Variants in AGBL3 observed in about 807,000 individuals in gnomAD.
AGBL3 encodes the protein AGBL carboxypeptidase 3.
A neutral mutation model predicts 94.5 loss-of-function variants in AGBL3; 68 were observed. The observed-to-expected ratio is 0.72, with a 90% confidence interval of 0.59 to 0.88. The LOEUF (loss-of-function observed/expected upper bound fraction) is 0.88. AGBL3 is among the 40% of genes least tolerant of loss of function. The pLI is 0.00. For synonymous variants in AGBL3, 354 were observed against 370.7 expected (o/e 0.95, Z 0.52); for missense variants, 934 against 1,103.8 (o/e 0.85, Z 2.18).
At chr7:135,079,505 G>A (rs549429582) in intron 13 of AGBL3, among the ~76,000 whole-genome samples, 4 of 151,942 alleles carry the variant, frequency 2.6e-5, no homozygotes, top group Non-Finnish European at 2.9e-5. Context: ...TAGCTCTGTC[G>A]CCCAGGCTGG....
At chr7:135,107,267 G>A (rs141435485) in intron 15 of AGBL3, among the ~76,000 whole-genome samples, 62 of 152,100 alleles carry the variant, frequency 4.1e-4, no homozygotes, top group African/African-American at 1.4e-3. Flanking sequence ...TTTGAAGGAG[G>A]TTTGCTCCTG....
At chr7:134,995,577 A>G (rs1186518849) in intron 4 of AGBL3, 1 of 152,160 alleles carries the variant, frequency 6.6e-6, no homozygotes, top group Non-Finnish European at 1.5e-5. Context: ...TTCTAAATAT[A>G]GTTTCTAACC....
rs1440326531 is a variant in AGBL3 at position 135,045,523 on chromosome 7, A to C, written c.1677A>C (p.Gly559=). 3 of 1,551,082 alleles carry C rather than the reference A, an allele frequency of 1.9e-6. No homozygotes were observed. Among genetic ancestry groups the C allele is most frequent in the African/African-American group, 2.7e-5 (2 of 73,012 alleles). The part of the protein sequence containing the change: ...HFSTKDLESM[G]YHFCDSLLDY... ...GCACGAAAGACCTGGAATCAATGGG[A>C]TATCATTTTTGTGATTCTCTCTTGG... The change falls in exon 10 of 17, where the codon GGA becomes GGC. Residue 559 remains glycine, a synonymous_variant. Coordinates refer to ENST00000436302, the MANE Select transcript of AGBL3 (RefSeq NM_178563.4).
Position 135,083,992 on chromosome 7 carries a change from T to C in AGBL3, c.2110+2202T>C, listed in dbSNP as rs560819968. Among the ~76,000 whole-genome samples the C allele has an allele frequency of 1.6e-3, 246 of 152,236 alleles. 1 individual carries two copies. The highest frequency in any genetic ancestry group is 5.6e-3 in the African/African-American group (232 of 41,542). ...CTATGGGGGCCACAGTGAAAATCGG[T>C]TGGAGGCCAAGCAGTTGGGGCCCAG... On this transcript the variant is annotated intron_variant, in intron 15 of 16. Coordinates refer to ENST00000436302, the MANE Select transcript of AGBL3 (RefSeq NM_178563.4).
rs547978063 is a variant in AGBL3, at chr7:135,110,959, T to C, written c.2111-4421T>C. On this transcript the variant is annotated intron_variant, in intron 15 of 16. Transcript: ENST00000436302. ...CATTACCAAATGGCATTATACATTCTTGTTTGCATAATTTATATATACATA... is the reference window on the plus strand; with the variant it reads ...CATTACCAAATGGCATTATACATTCCTGTTTGCATAATTTATATATACATA... Among the ~76,000 whole-genome samples the C allele has an allele frequency of 3.9e-5, 6 of 152,348 alleles. No individual in the cohort carries two copies. In the East Asian group the frequency reaches 1.2e-3, roughly 29 times the overall value.
Position 135,063,258 on chromosome 7 carries a change from G to C in AGBL3, c.1908+4023G>C, listed in dbSNP as rs140086248. 1.0e-2 allele frequency among the ~76,000 whole-genome samples: 1,514 copies of C among 151,648 alleles called. 25 individuals carry two copies. Among genetic ancestry groups the C allele is most frequent in the African/African-American group, 0.035 (1,442 of 41,348 alleles). On this transcript the variant is annotated intron_variant, in intron 12 of 16. Coordinates refer to ENST00000436302, the MANE Select transcript of AGBL3 (RefSeq NM_178563.4). Reference sequence around the variant, plus strand: ...CTTCTCTCTCTCTCTTCTTAGTCTAGCTATAGATTTGTCCATTTTGTTTCT... The same window carrying C: ...CTTCTCTCTCTCTCTTCTTAGTCTACCTATAGATTTGTCCATTTTGTTTCT...
chr7:135,034,666 C>T lies in AGBL3; in HGVS notation c.1075C>T (p.Leu359=). The T allele has an allele frequency of 6.4e-7, 1 of 1,551,590 alleles. No individual in the cohort carries two copies. Among genetic ancestry groups the T allele is most frequent in the Non-Finnish European group, 8.7e-7 (1 of 1,146,940 alleles). The change falls in exon 7 of 17, where the codon CTG becomes TTG. Residue 359 remains leucine, a synonymous_variant. Transcript: ENST00000436302. ...SDSRKRKAVI[L]TARVHPGETN... ...CTCAAGAAAGCGGAAGGCTGTGATT[C>T]TGACTGCAAGGGTCCATCCAGGGGA...
intron 2 of AGBL3, among the ~76,000 whole-genome samples, chr7:134,988,744 T>TCTC (rs1359922025): frequency 6.6e-6 from 1 of 152,094 alleles, no homozygotes; most frequent in Non-Finnish European, 1.5e-5. Context: ...TTCAAACGAT[T>TCTC]CTGCCTCAGC....
chr7:135,072,668 A>G lies in AGBL3; in HGVS notation c.1909-3729A>G, dbSNP rs1349285191. 7.9e-5 allele frequency among the ~76,000 whole-genome samples: 12 copies of G among 152,062 alleles called. No homozygotes were observed. In the East Asian group the frequency reaches 2.3e-3, roughly 29 times the overall value. On this transcript the variant is annotated intron_variant, in intron 12 of 16. Transcript: ENST00000436302. The stretch of plus-strand genomic sequence containing the variant: ...TCTCAGCAAACTATCACAAGGACAA[A>G]AAACCAAACACCGCATGTTCTCACT...
rs1265656517 is a variant in AGBL3 at position 134,988,000 on chromosome 7, T to C, written c.63+4T>C. The C allele has an allele frequency of 8.5e-6, 13 of 1,535,836 alleles. No individual in the cohort carries two copies. Among genetic ancestry groups the C allele is most frequent in the Non-Finnish European group, 1.1e-5 (12 of 1,139,950 alleles). ...AATCAGTGATGAAGATGAATCGGTA[T>C]GTTTTTCTCAACTTTATTTTACTTG... is the stretch of plus-strand genomic sequence containing the variant. On this transcript the variant is annotated splice_donor_region_variant and intron_variant, in intron 2 of 16. Coordinates refer to ENST00000436302, the MANE Select transcript of AGBL3 (RefSeq NM_178563.4).
At chr7:135,063,287 T>C (rs1243940134) in intron 12 of AGBL3, among the ~76,000 whole-genome samples, 1 of 152,096 alleles carries the variant, frequency 6.6e-6, no homozygotes, top group Non-Finnish European at 1.5e-5. Context: ...TGTTTCTTTT[T>C]TTAAAAACAA....
chr7:135,081,807 C>T lies in AGBL3; in HGVS notation c.2110+17C>T. ...AAGGTTTGGGTGAGTAAAATAGGAA[C>T]ACAGACAGTAATGAGTGGTCCCCTA... On this transcript the variant is annotated intron_variant, in intron 15 of 16. Transcript: ENST00000436302. 2.0e-6 allele frequency: 3 copies of T among 1,487,634 alleles called. No individual in the cohort carries two copies. Among genetic ancestry groups the T allele is most frequent in the Non-Finnish European group, 2.7e-6 (3 of 1,094,074 alleles). 92.2% of individuals were successfully genotyped at this position (1,487,634 alleles called of 1,614,324 possible).
intron 15 of AGBL3, among the ~76,000 whole-genome samples, chr7:135,105,373 A>G (rs1209444405): frequency 6.6e-6 from 1 of 152,166 alleles, no homozygotes; most frequent in African/African-American, 2.4e-5. Context: ...CCCAACCTAC[A>G]TTCAAGTTTT....
chr7:134,986,546 G>A lies in AGBL3; in HGVS notation c.-215G>A. ...GAGAGTTGGGAGTGTGGCTGGGGCT[G>A]CGGATCTCCAGCAGTGGCGTTACTT... On this transcript the variant is annotated 5_prime_UTR_variant, in exon 1 of 17. Coordinates refer to ENST00000436302, the MANE Select transcript of AGBL3 (RefSeq NM_178563.4). 1 of 152,512 alleles carries A rather than the reference G, an allele frequency of 6.6e-6. No homozygotes were observed. The highest frequency in any genetic ancestry group is 1.5e-5 in the Non-Finnish European group (1 of 68,168). The allele number at this position is 152,512 out of a possible 1,614,324, so 9.4% of individuals were successfully genotyped here. A position where few individuals can be genotyped will look rare whatever the true frequency, so the allele number is the denominator to read the frequency against.
chr7:135,000,647 C>G (rs188575715), intron 4 of AGBL3, among the ~76,000 whole-genome samples: 1 of 152,214 alleles, frequency 6.6e-6, no homozygotes, highest in Non-Finnish European at 1.5e-5. Flanking sequence ...AATACACACA[C>G]ACTACTGGTT....
chr7:135,045,296 T>A (rs1040563422), intron 9 of AGBL3, among the ~76,000 whole-genome samples, 178 bp from the exon 10 acceptor site: 4 of 152,044 alleles, frequency 2.6e-5, no homozygotes, highest in Admixed American at 2.6e-4. Context: ...TTGGTCCAGA[T>A]GGTGGAAAAG....
At chr7:135,098,596 T>C (rs1823281482) in intron 15 of AGBL3, among the ~76,000 whole-genome samples, 1 of 152,162 alleles carries the variant, frequency 6.6e-6, no homozygotes, top group South Asian at 2.1e-4. Context: ...TGTCATTGCA[T>C]TGGAATGATA....
At chr7:134,987,047 C>T (rs1208116514) in intron 1 of AGBL3, among the ~76,000 whole-genome samples, 3 of 152,256 alleles carry the variant, frequency 2.0e-5, no homozygotes, top group Non-Finnish European at 4.4e-5. Context: ...TCGGATTTTC[C>T]AAATGTGGAG....
intron 9 of AGBL3, 85 bp from the exon 10 acceptor site, chr7:135,045,388 GT>G (rs1817261392): frequency 1.6e-5 from 17 of 1,065,406 alleles, no homozygotes; most frequent in Non-Finnish European, 2.4e-5. Flanking sequence ...TCATATCAAT[GT>G]TTTGTTTATA....
Sources: gnomAD v4.1 joint callset for allele counts (sites outside exome capture counted in the v4.1 genomes callset) on GRCh38, gnomAD v4.1.1 for gene constraint, MANE v1.5 for transcripts, NCBI Gene and HGNC (gene_info 2026-07-23, HGNC 2026-07-21) for gene names.